Variants in RABL6 observed in about 807,000 individuals in gnomAD.
RABL6 encodes the protein RAB, member RAS oncogene family like 6, also known as rab-like protein 6.
Under a neutral mutation model 72.9 loss-of-function variants are expected in RABL6, and 28 were observed. The ratio of observed to expected loss-of-function variants is 0.38; its 90% confidence interval spans 0.28 to 0.53. The LOEUF is 0.53. Among genes scored for constraint, RABL6 ranks in the 20% least tolerant of loss-of-function variants. The pLI, the probability that RABL6 is intolerant of heterozygous loss-of-function variation, is 0.80. For synonymous variants in RABL6, 477 were observed against 421.2 expected, an observed-to-expected ratio of 1.13 and a Z score of -1.62; for missense variants, 1,029 against 1,008.4, an observed-to-expected ratio of 1.02 and a Z score of -0.28.
chr9:136,837,729 G>T, intron 9 of RABL6, 67 bp downstream of exon 9: 1 of 1,546,178 alleles, frequency 6.5e-7, no homozygotes, highest in Non-Finnish European at 8.7e-7. Context: ...TGGGGTCCTG[G>T]ATTTCGGAGC....
intron 1 of RABL6, among the ~76,000 whole-genome samples, chr9:136,816,592 C>T (rs1487948880): frequency 6.6e-6 from 1 of 151,858 alleles, no homozygotes; most frequent in Non-Finnish European, 1.5e-5. Context: ...GGGCACATGC[C>T]TGTAATCCCA....
At chr9:136,829,574 G>C in intron 5 of RABL6, 90 bp downstream of exon 5, 1 of 1,183,388 alleles carries the variant, frequency 8.5e-7, no homozygotes. Context: ...AATGGTTAGA[G>C]CAGCATCGTT....
rs1848357213 is a variant in RABL6 at position 136,826,378 on chromosome 9, G to A, written c.313+552G>A. On this transcript the variant is annotated intron_variant, in intron 3 of 14. Transcript: ENST00000311502. This position sits in a 1 kb window ranked among gnomAD's most constrained non-coding sequence, Gnocchi z 4.9. ...GGTGGAGCTCATGGCCCTCCCCGGG[G>A]CCCATGGTCCGTGTGCATGTGTGGT... Among the ~76,000 whole-genome samples, 1 of 152,200 alleles carries A rather than the reference G, an allele frequency of 6.6e-6. No homozygotes were observed. Among genetic ancestry groups the A allele is most frequent in the Admixed American group, 6.5e-5 (1 of 15,286 alleles).
At position 136,840,662 on chromosome 9, in the gene RABL6, G is replaced by T. The variant is rs954214017; in HGVS notation, c.*140G>T. Reference sequence around the variant, plus strand: ...CTGAGCTGGAAGAGGCCGGGCATTGGTGGTCCCCAGGCTGGGCCCTGCAGG... The same window carrying T: ...CTGAGCTGGAAGAGGCCGGGCATTGTTGGTCCCCAGGCTGGGCCCTGCAGG... On this transcript the variant is annotated 3_prime_UTR_variant, in exon 15 of 15. Coordinates refer to ENST00000311502, the MANE Select transcript of RABL6 (RefSeq NM_024718.5). The T allele has an allele frequency of 1.9e-6, 3 of 1,549,328 alleles. No individual in the cohort carries two copies. Among genetic ancestry groups the T allele is most frequent in the Non-Finnish European group, 2.6e-6 (3 of 1,146,858 alleles).
chr9:136,839,949 G>A (rs1207363579), intron 13 of RABL6, 84 bp downstream of exon 13: 2 of 1,535,038 alleles, frequency 1.3e-6, no homozygotes, highest in East Asian at 2.4e-5. Context: ...CCGCTGGCCG[G>A]GGTCCTCTCC....
chr9:136,829,048 C>T (rs750487403), intron 4 of RABL6, among the ~76,000 whole-genome samples: 1 of 152,184 alleles, frequency 6.6e-6, no homozygotes, highest in South Asian at 2.1e-4. Flanking sequence ...TGGAACCTTC[C>T]GGAACGCACA....
At chr9:136,838,109 G>C in intron 10 of RABL6, 94 bp downstream of exon 10, 2 of 1,451,860 alleles carry the variant, frequency 1.4e-6, no homozygotes, top group Non-Finnish European at 1.9e-6. Context: ...GGCGCAGAAG[G>C]GGCCCCCCGC....
chr9:136,820,478 TCTC>T (rs1275110802), intron 1 of RABL6, among the ~76,000 whole-genome samples: 3 of 152,058 alleles, frequency 2.0e-5, no homozygotes, highest in African/African-American at 4.8e-5. Context: ...GTTAAGCAAT[TCTC>T]CTGCCTCAGC....
In RABL6 at chr9:136,811,069, A is replaced by G. The variant is rs1344472255; in HGVS notation, c.130+2743A>G. Among the ~76,000 whole-genome samples, 9 of 152,244 alleles carry G rather than the reference A, an allele frequency of 5.9e-5. 1 individual carries two copies. On this transcript the variant is annotated intron_variant, in intron 1 of 14. Coordinates refer to ENST00000311502, the MANE Select transcript of RABL6 (RefSeq NM_024718.5). Reference sequence around the variant, plus strand: ...AAAAACTCGAATGAGACATTGGACCATAATGGATGAAAAAGTCAAACTCTG... The same window carrying G: ...AAAAACTCGAATGAGACATTGGACCGTAATGGATGAAAAAGTCAAACTCTG...
rs1400252363 is a variant in RABL6 at position 136,826,827 on chromosome 9, C to T, written c.313+1001C>T. 6.6e-6 allele frequency: 1 copy of T among 152,342 alleles called. No homozygotes were observed. Among genetic ancestry groups the T allele is most frequent in the Non-Finnish European group, 1.5e-5 (1 of 68,154 alleles). The allele number at this position is 152,342 out of a possible 1,614,324, so 9.4% of individuals were successfully genotyped here. A position where few individuals can be genotyped will look rare whatever the true frequency, so the allele number is the denominator to read the frequency against. ...GCTCAGGAAGGGCCGTCCTGACCCC[C>T]ATCCTGGCCCCTTTCGGAGCTGCAG... On this transcript the variant is annotated intron_variant, in intron 3 of 14. Coordinates refer to ENST00000311502, the MANE Select transcript of RABL6 (RefSeq NM_024718.5). This position sits in a 1 kb window ranked among gnomAD's most constrained non-coding sequence, Gnocchi z 4.9.
chr9:136,813,948 G>A, intron 1 of RABL6: 1 of 379,440 alleles, frequency 2.6e-6, no homozygotes, highest in Non-Finnish European at 5.2e-6. Context: ...CATCCTGAGT[G>A]ACTTTGTAAG....
At position 136,840,780 on chromosome 9, in the gene RABL6, G is replaced by C; in HGVS notation, c.*258G>C. 9.0e-6 allele frequency: 14 copies of C among 1,547,908 alleles called. No homozygotes were observed. The highest frequency in any genetic ancestry group is 1.2e-5 in the Non-Finnish European group (14 of 1,146,814). On this transcript the variant is annotated 3_prime_UTR_variant, in exon 15 of 15. Transcript: ENST00000311502. ...GCTCGGTGGACACCCTGGCCCTCTC[G>C]GGGCAGAGCCGCCAGTGTTTCTCAG...
intron 1 of RABL6, chr9:136,821,568 G>C (rs1333598111): frequency 6.1e-6 from 6 of 985,272 alleles, no homozygotes; most frequent in South Asian, 4.7e-5. Flanking sequence ...TGGGGGGGAC[G>C]GCGGCCGCCC....
chr9:136,821,978 A>G (rs1283232296), intron 1 of RABL6: 2 of 1,289,354 alleles, frequency 1.6e-6, no homozygotes, highest in African/African-American at 3.0e-5. Context: ...AGAGGCGTTG[A>G]AAGTTGGCGC....
intron 7 of RABL6, among the ~76,000 whole-genome samples, chr9:136,834,813 C>T (rs375392064): frequency 2.0e-5 from 3 of 151,634 alleles, no homozygotes; most frequent in East Asian, 3.9e-4. Flanking sequence ...CCAGGCTGGG[C>T]GCAGTGGCTC....
Position 136,840,634 on chromosome 9 carries a change from C to G in RABL6, c.*112C>G. 9.0e-6 allele frequency: 14 copies of G among 1,549,704 alleles called. No homozygotes were observed. The highest frequency in any genetic ancestry group is 1.1e-5 in the Non-Finnish European group (13 of 1,146,814). Reference sequence around the variant, plus strand: ...CGCTGCCCCGTGGCTGCCGTGTGCGCTTCTGAGCTGGAAGAGGCCGGGCAT... The same window carrying G: ...CGCTGCCCCGTGGCTGCCGTGTGCGGTTCTGAGCTGGAAGAGGCCGGGCAT... On this transcript the variant is annotated 3_prime_UTR_variant, in exon 15 of 15. Coordinates refer to ENST00000311502, the MANE Select transcript of RABL6 (RefSeq NM_024718.5).
chr9:136,818,134 C>T (rs1442714676), intron 1 of RABL6, among the ~76,000 whole-genome samples: 2 of 146,680 alleles, frequency 1.4e-5, no homozygotes, highest in Admixed American at 6.9e-5. Context: ...GAGGCCGAGG[C>T]GGGCAGATCA....
Position 136,840,603 on chromosome 9 carries a change from C to G in RABL6, c.*81C>G. On this transcript the variant is annotated 3_prime_UTR_variant, in exon 15 of 15. Coordinates refer to ENST00000311502, the MANE Select transcript of RABL6 (RefSeq NM_024718.5). Reference sequence around the variant, plus strand: ...GAGGCATTTGCCTCTGTACCATCGCCTTTGCCGCTGCCCCGTGGCTGCCGT... The same window carrying G: ...GAGGCATTTGCCTCTGTACCATCGCGTTTGCCGCTGCCCCGTGGCTGCCGT... The G allele has an allele frequency of 6.5e-7, 1 of 1,549,616 alleles. No individual in the cohort carries two copies. Among genetic ancestry groups the G allele is most frequent in the Non-Finnish European group, 8.7e-7 (1 of 1,146,856 alleles).
At chr9:136,829,234 C>T (rs376413021) in intron 4 of RABL6, among the ~76,000 whole-genome samples, 159 bp from the exon 5 acceptor site, 1 of 152,244 alleles carries the variant, frequency 6.6e-6, no homozygotes. Context: ...TGGGGCAAAC[C>T]TATGTTTAGC....
Sources: allele counts gnomAD v4.1 joint callset (sites outside exome capture counted in the v4.1 genomes callset), GRCh38; gene constraint gnomAD v4.1.1; non-coding constraint Gnocchi (gnomAD v3.1); transcripts MANE v1.5; gene names NCBI Gene and HGNC (gene_info 2026-07-23, HGNC 2026-07-21).